The following FBN2 variants were observed in gnomAD, a reference collection of about 807,000 sequenced individuals.
FBN2 encodes the protein fibrillin-2.
Under a neutral mutation model 355.6 loss-of-function variants are expected in FBN2, and 105 were observed. The observed-to-expected ratio is 0.30, with a 90% confidence interval of 0.25 to 0.35. The LOEUF (loss-of-function observed/expected upper bound fraction) is 0.35, where lower values mean the gene tolerates loss of function less well. Ranked by LOEUF, FBN2 falls within the 10% of genes least tolerant of loss-of-function variation. The pLI is 1.00. For missense variants in FBN2, 3,280 were observed against 3,758.7 expected (o/e 0.87, Z 3.33); for synonymous variants, 1,350 against 1,301.2 (o/e 1.04, Z -0.81).
intron 5 of FBN2, among the ~76,000 whole-genome samples, chr5:128,470,523 C>A (rs569975455): frequency 2.7e-4 from 41 of 152,180 alleles, no homozygotes; most frequent in African/African-American, 9.4e-4. Context: ...GATTAGGGTT[C>A]ATCCAGGGTT....
intron 23 of FBN2, among the ~76,000 whole-genome samples, chr5:128,345,931 G>C (rs1043165224): frequency 1.3e-5 from 2 of 152,202 alleles, no homozygotes; most frequent in African/African-American, 4.8e-5. Context: ...ATTGCTTCAA[G>C]TGCCTTTTAA....
rs1749275188 is a variant in FBN2, at chr5:128,289,962, A to G, written c.6446-15T>C. 4.6e-6 allele frequency: 7 copies of G among 1,529,626 alleles called. No individual in the cohort carries two copies. Among genetic ancestry groups the G allele is most frequent in the Non-Finnish European group, 6.3e-6 (7 of 1,103,734 alleles). 94.8% of individuals were successfully genotyped at this position (1,529,626 alleles called of 1,614,324 possible). ...CTGAAATGCAACTACAAAGAAAAAT[A>G]CAAATTCTCCATTATTGAAGACTTG... On this transcript the variant is annotated splice_polypyrimidine_tract_variant and intron_variant, in intron 50 of 64. Coordinates refer to ENST00000262464, the MANE Select transcript of FBN2 (RefSeq NM_001999.4).
intron 2 of FBN2, among the ~76,000 whole-genome samples, chr5:128,531,093 T>C (rs147677950): frequency 6.6e-6 from 1 of 151,990 alleles, no homozygotes; most frequent in Non-Finnish European, 1.5e-5. Context: ...AACTGAAAAA[T>C]CGTGGAACCA....
intron 7 of FBN2, among the ~76,000 whole-genome samples, chr5:128,443,008 C>T (rs941982748): frequency 1.3e-5 from 2 of 152,132 alleles, no homozygotes; most frequent in Non-Finnish European, 2.9e-5. Context: ...TATATATGCT[C>T]AAACTTGATT....
intron 7 of FBN2, among the ~76,000 whole-genome samples, chr5:128,418,720 A>C (rs1753267565): frequency 6.6e-6 from 1 of 152,054 alleles, no homozygotes; most frequent in Non-Finnish European, 1.5e-5. Context: ...TTGTGATCTG[A>C]GAAGATATGT....
intron 6 of FBN2, 134 bp from the exon 7 acceptor site, chr5:128,446,740 G>C: frequency 1.3e-6 from 1 of 779,794 alleles, no homozygotes; most frequent in Non-Finnish European, 2.1e-6. Flanking sequence ...GGTTAGAGAA[G>C]TAAAACACCT....
In FBN2 at chr5:128,388,422, C is replaced by T. The variant is rs75280947; in HGVS notation, c.1603+3596G>A. ...TTATACAGATTTAATTGTGTAGTTGCTTTACAGTGTCAATGGTCTATGTAC... is the reference window on the plus strand; with the variant it reads ...TTATACAGATTTAATTGTGTAGTTGTTTTACAGTGTCAATGGTCTATGTAC... On this transcript the variant is annotated intron_variant, in intron 11 of 64. Coordinates refer to ENST00000262464, the MANE Select transcript of FBN2 (RefSeq NM_001999.4). Among the ~76,000 whole-genome samples, 467 of 152,266 alleles carry T rather than the reference C, an allele frequency of 3.1e-3. 3 individuals carry two copies. The highest frequency in any genetic ancestry group is 0.011 in the African/African-American group (449 of 41,560).
chr5:128,454,323 A>T (rs1754329438), intron 6 of FBN2, among the ~76,000 whole-genome samples: 1 of 152,202 alleles, frequency 6.6e-6, no homozygotes, highest in African/African-American at 2.4e-5. Context: ...GTTATCTTTA[A>T]ATAGGAGTTT....
intron 7 of FBN2, among the ~76,000 whole-genome samples, chr5:128,423,721 G>T (rs1227530620): frequency 6.6e-6 from 1 of 152,130 alleles, no homozygotes; most frequent in African/African-American, 2.4e-5. Flanking sequence ...ACTTTATCCT[G>T]AGAATGGGAG....
intron 17 of FBN2, among the ~76,000 whole-genome samples, chr5:128,365,929 G>C (rs1014840255): frequency 4.6e-5 from 7 of 151,494 alleles, no homozygotes; most frequent in African/African-American, 1.7e-4. Flanking sequence ...ATTATTCTTA[G>C]GTGTAAATAG....
chr5:128,368,489 C>T (rs1379928786), intron 16 of FBN2, among the ~76,000 whole-genome samples: 1 of 145,424 alleles, frequency 6.9e-6, no homozygotes, highest in African/African-American at 2.5e-5. Context: ...TATATATACA[C>T]ATATATATAC....
At chr5:128,337,578 G>C (rs1205963740) in intron 27 of FBN2, among the ~76,000 whole-genome samples, 1 of 152,246 alleles carries the variant, frequency 6.6e-6, no homozygotes, top group African/African-American at 2.4e-5. Flanking sequence ...AGTGGGTTAA[G>C]GGAGCGCCAT....
chr5:128,312,003 T>C (rs757062561), intron 37 of FBN2, 50 bp from the exon 38 acceptor site: 35 of 1,261,786 alleles, frequency 2.8e-5, no homozygotes, highest in Non-Finnish European at 4.0e-5. Flanking sequence ...TCCAAGTGGC[T>C]GAGACAATGA....
At chr5:128,319,124 T>A in intron 34 of FBN2, 123 bp from the exon 35 acceptor site, 2 of 756,972 alleles carry the variant, frequency 2.6e-6, no homozygotes, top group Non-Finnish European at 4.4e-6. Flanking sequence ...GGCTTTTTTT[T>A]TCTCTTTTTT....
intron 4 of FBN2, among the ~76,000 whole-genome samples, chr5:128,521,792 C>T (rs1189422197): frequency 6.6e-6 from 1 of 152,068 alleles, no homozygotes; most frequent in Non-Finnish European, 1.5e-5. Flanking sequence ...CCACGGTTTT[C>T]CAAAACAAAG....
intron 4 of FBN2, among the ~76,000 whole-genome samples, chr5:128,519,889 G>C (rs1364993227): frequency 6.6e-6 from 1 of 151,876 alleles, no homozygotes; most frequent in Non-Finnish European, 1.5e-5. Context: ...AGGAAGCCAA[G>C]GGGGGAAAAG....
intron 4 of FBN2, among the ~76,000 whole-genome samples, chr5:128,526,294 C>T (rs1166888043): frequency 6.6e-6 from 1 of 151,952 alleles, no homozygotes; most frequent in Non-Finnish European, 1.5e-5. Context: ...TTGTGCACTG[C>T]TAGTAGGAAT....
intron 11 of FBN2, among the ~76,000 whole-genome samples, chr5:128,383,401 A>AT (rs1239948985): frequency 6.6e-6 from 1 of 152,140 alleles, no homozygotes; most frequent in Middle Eastern, 3.2e-3. Flanking sequence ...TTGTGACCTT[A>AT]CATTTGGCAA....
intron 61 of FBN2, 86 bp downstream of exon 61, chr5:128,273,754 T>A: frequency 7.1e-7 from 1 of 1,408,036 alleles, no homozygotes; most frequent in African/African-American, 1.4e-5. Flanking sequence ...TTTCTTTTTT[T>A]CAGATTATAC....
Sources: allele counts gnomAD v4.1 joint callset (sites outside exome capture counted in the v4.1 genomes callset), GRCh38; gene constraint gnomAD v4.1.1; transcripts MANE v1.5; gene names NCBI Gene and HGNC (gene_info 2026-07-23, HGNC 2026-07-21).